Variants in ARHGAP24 observed in about 807,000 individuals in gnomAD.
ARHGAP24 encodes the protein rho GTPase-activating protein 24.
In ARHGAP24, 50 loss-of-function variants were observed where a neutral mutation model predicts 76.4. The ratio of observed to expected loss-of-function variants is 0.65; its 90% CI spans 0.52 to 0.83. The LOEUF (loss-of-function observed/expected upper bound fraction) is 0.83. Among genes scored for constraint, ARHGAP24 ranks in the 40% least tolerant of loss-of-function variants. The pLI, the probability that ARHGAP24 is intolerant of heterozygous loss-of-function variation, is 0.00. For missense variants in ARHGAP24, 930 were observed against 914.2 expected, an observed-to-expected ratio of 1.02 and a Z score of -0.22; for synonymous variants, 345 against 323.3, an observed-to-expected ratio of 1.07 and a Z score of -0.72.
intron 2 of ARHGAP24, among the ~76,000 whole-genome samples, chr4:85,587,146 G>T (rs1727894199): frequency 6.6e-6 from 1 of 152,102 alleles, no homozygotes; most frequent in African/African-American, 2.4e-5. Flanking sequence ...CTTTTATGTA[G>T]TCAAACAGTG....
At chr4:85,818,067 A>G (rs1729316361) in intron 3 of ARHGAP24, among the ~76,000 whole-genome samples, 1 of 152,240 alleles carries the variant, frequency 6.6e-6, no homozygotes, top group South Asian at 2.1e-4. Flanking sequence ...TTTAAATGAC[A>G]TTATATCAAG....
intron 4 of ARHGAP24, among the ~76,000 whole-genome samples, chr4:85,926,046 GA>G (rs11440538): frequency 1.8e-3 from 258 of 146,896 alleles, no homozygotes; most frequent in Middle Eastern, 7.1e-3. Context: ...GTGACTTCCT[GA>G]AAAAAAAAAA....
At chr4:85,517,656 A>G (rs1488750931) in intron 1 of ARHGAP24, among the ~76,000 whole-genome samples, 1 of 152,090 alleles carries the variant, frequency 6.6e-6, no homozygotes, top group African/African-American at 2.4e-5. Flanking sequence ...GAACATGCGT[A>G]TAAAAATACT....
intron 3 of ARHGAP24, among the ~76,000 whole-genome samples, chr4:85,917,398 C>G (rs1209155098): frequency 6.6e-6 from 1 of 151,804 alleles, no homozygotes; most frequent in East Asian, 1.9e-4. Context: ...TTTATAGCAG[C>G]ATGATTTATA....
At chr4:85,673,877 C>A (rs1005706656) in intron 2 of ARHGAP24, among the ~76,000 whole-genome samples, 1 of 151,844 alleles carries the variant, frequency 6.6e-6, no homozygotes, top group South Asian at 2.1e-4. Flanking sequence ...TTTCTGAAAC[C>A]TGTGAATTTC....
intron 1 of ARHGAP24, among the ~76,000 whole-genome samples, chr4:85,500,916 A>T (rs1403640152): frequency 1.8e-4 from 17 of 94,316 alleles, no homozygotes; most frequent in Admixed American, 7.4e-4. Context: ...TTCCCCACCC[A>T]GTGTCCAAGT....
chr4:85,890,535 G>T (rs1733828235), intron 3 of ARHGAP24, among the ~76,000 whole-genome samples: 1 of 152,136 alleles, frequency 6.6e-6, no homozygotes, highest in African/African-American at 2.4e-5. Context: ...GTATCTTGAG[G>T]AAAACACCAC....
rs367949330 is a variant in ARHGAP24 at position 85,598,260 on chromosome 4, G to A, written c.180+27539G>A. On this transcript the variant is annotated intron_variant, in intron 2 of 9. Coordinates refer to ENST00000395184, the MANE Select transcript of ARHGAP24 (RefSeq NM_001025616.3). ...CATTTAATTAATAAATAGATAGAAG[G>A]TCTAGAAATATGAAGAGTTCAAATA... is the stretch of plus-strand genomic sequence containing the variant. 1.2e-4 allele frequency among the ~76,000 whole-genome samples: 18 copies of A among 152,042 alleles called. No individual in the cohort carries two copies. The East Asian group carries it at 2.7e-3, about 23-fold the overall frequency.
chr4:85,724,320 A>G (rs567775881), intron 3 of ARHGAP24, among the ~76,000 whole-genome samples: 4 of 152,286 alleles, frequency 2.6e-5, no homozygotes, highest in Non-Finnish European at 5.9e-5. Context: ...AGAGGATTAC[A>G]TATTTTAATT....
chr4:85,802,377 C>T (rs1279819312), intron 3 of ARHGAP24, among the ~76,000 whole-genome samples: 2 of 152,226 alleles, frequency 1.3e-5, no homozygotes, highest in African/African-American at 4.8e-5. Context: ...TGAAATAACT[C>T]ATGTCTACCT....
chr4:85,785,559 A>G (rs1363740366), intron 3 of ARHGAP24, among the ~76,000 whole-genome samples: 1 of 152,112 alleles, frequency 6.6e-6, no homozygotes, highest in African/African-American at 2.4e-5. Flanking sequence ...CTTTTTAACA[A>G]TTACAAACTA....
chr4:85,749,449 C>G (rs991842107), intron 3 of ARHGAP24, among the ~76,000 whole-genome samples: 2 of 152,190 alleles, frequency 1.3e-5, no homozygotes, highest in African/African-American at 4.8e-5. Context: ...AAACCACCCA[C>G]CAAAGATTTT....
At chr4:85,808,078 G>C (rs953108845) in intron 3 of ARHGAP24, among the ~76,000 whole-genome samples, 2 of 151,910 alleles carry the variant, frequency 1.3e-5, no homozygotes, top group South Asian at 2.1e-4. Flanking sequence ...CATAGTTGTC[G>C]GTTGCTTCTT....
intron 1 of ARHGAP24, among the ~76,000 whole-genome samples, chr4:85,518,860 C>A (rs553639476): frequency 6.6e-6 from 1 of 152,268 alleles, no homozygotes; most frequent in East Asian, 1.9e-4. Context: ...ATAATGACTT[C>A]TTTTCCTCTG....
intron 2 of ARHGAP24, among the ~76,000 whole-genome samples, chr4:85,625,701 A>T (rs1052805333): frequency 6.6e-6 from 1 of 152,130 alleles, no homozygotes; most frequent in Admixed American, 6.5e-5. Context: ...ATTCTGTGGG[A>T]GTCTAAGTCT....
At chr4:85,647,960 A>G (rs1337693344) in intron 2 of ARHGAP24, among the ~76,000 whole-genome samples, 13 of 152,044 alleles carry the variant, frequency 8.6e-5, no homozygotes, top group Non-Finnish European at 2.9e-5. Flanking sequence ...TTTTTTTTCT[A>G]GAGTCATTGC....
intron 3 of ARHGAP24, among the ~76,000 whole-genome samples, chr4:85,898,556 AAAG>A (rs1015703508): frequency 6.6e-6 from 1 of 152,214 alleles, no homozygotes; most frequent in Non-Finnish European, 1.5e-5. Flanking sequence ...AATCATTTAA[AAAG>A]AAGGATGTCA....
chr4:85,573,408 G>C (rs946608306), intron 2 of ARHGAP24, among the ~76,000 whole-genome samples: 1 of 152,146 alleles, frequency 6.6e-6, no homozygotes, highest in African/African-American at 2.4e-5. Flanking sequence ...CCAAGTGAGA[G>C]TAGATGCCTG....
At chr4:85,830,351 T>C (rs2110134501) in intron 3 of ARHGAP24, among the ~76,000 whole-genome samples, 1 of 152,342 alleles carries the variant, frequency 6.6e-6, no homozygotes, top group South Asian at 2.1e-4. Flanking sequence ...AAGAATGAGA[T>C]TAGTGGCTAC....
Sources: allele counts gnomAD v4.1 joint callset (sites outside exome capture counted in the v4.1 genomes callset), GRCh38; gene constraint gnomAD v4.1.1; transcripts MANE v1.5; gene names NCBI Gene and HGNC (gene_info 2026-07-23, HGNC 2026-07-21).